Variants in LDLRAD4 observed in about 807,000 individuals in gnomAD.
LDLRAD4 encodes the protein low-density lipoprotein receptor class A domain-containing protein 4.
LDLRAD4 carries 5 observed loss-of-function variants against 17.0 expected under a neutral mutation model. That is an observed-to-expected ratio of 0.29 (90% CI 0.15 to 0.62). The LOEUF is 0.62. Ranked by LOEUF, LDLRAD4 falls within the 20% of genes least tolerant of loss-of-function variation. The pLI is 0.84. For synonymous variants in LDLRAD4, 168 were observed against 171.8 expected, an observed-to-expected ratio of 0.98 and a Z score of 0.17; for missense variants, 340 against 424.7, an observed-to-expected ratio of 0.80 and a Z score of 1.75.
At chr18:13,349,332 A>G (rs184613494) in intron 1 of LDLRAD4, among the ~76,000 whole-genome samples, 26 of 152,306 alleles carry the variant, frequency 1.7e-4, no homozygotes, top group African/African-American at 6.3e-4. Context: ...GTCTTTGTAT[A>G]TTGTGTGTCC....
chr18:13,280,916 T>C (rs372644474), intron 1 of LDLRAD4, among the ~76,000 whole-genome samples: 2 of 152,160 alleles, frequency 1.3e-5, no homozygotes, highest in East Asian at 1.9e-4. Flanking sequence ...GACCTGAACT[T>C]CTATCTTTGC....
upstream of LDLRAD4, among the ~76,000 whole-genome samples, chr18:13,218,341 G>C (rs889985282): frequency 1.3e-5 from 2 of 152,208 alleles, no homozygotes; most frequent in African/African-American, 4.8e-5. Flanking sequence ...CCCGCGGGCG[G>C]GGTTACGCCG....
chr18:13,363,075 A>C (rs186755433), intron 1 of LDLRAD4, among the ~76,000 whole-genome samples: 4 of 152,128 alleles, frequency 2.6e-5, no homozygotes, highest in Non-Finnish European at 4.4e-5. Context: ...TCACGCCTGT[A>C]ATCCCAGCAC....
intron 1 of LDLRAD4, among the ~76,000 whole-genome samples, chr18:13,264,079 C>T (rs2044074340): frequency 6.6e-6 from 1 of 152,198 alleles, no homozygotes; most frequent in South Asian, 2.1e-4. Context: ...GGGCAGGACA[C>T]GACCCGGCCC....
At chr18:13,358,123 A>G (rs2083451934) in intron 1 of LDLRAD4, among the ~76,000 whole-genome samples, 1 of 152,108 alleles carries the variant, frequency 6.6e-6, no homozygotes. Context: ...GGAATCAGCC[A>G]TTTGTTTCAA....
At chr18:13,265,101 A>G (rs1378281981) in intron 1 of LDLRAD4, among the ~76,000 whole-genome samples, 1 of 152,104 alleles carries the variant, frequency 6.6e-6, no homozygotes, top group Non-Finnish European at 1.5e-5. Context: ...AGTGTTTTCC[A>G]CATGGCTCCT....
intron 1 of LDLRAD4, among the ~76,000 whole-genome samples, chr18:13,309,125 G>C (rs1042132395): frequency 3.9e-5 from 6 of 152,242 alleles, no homozygotes; most frequent in African/African-American, 1.4e-4. Flanking sequence ...AGCAGAGGCA[G>C]ATTAGACTTT....
At chr18:13,457,072 C>T (rs1418065501) in intron 3 of LDLRAD4, among the ~76,000 whole-genome samples, 3 of 152,246 alleles carry the variant, frequency 2.0e-5, no homozygotes, top group Non-Finnish European at 4.4e-5. Context: ...CAGCAGTGGA[C>T]ACCTGCTGTA....
At chr18:13,505,722 G>T (rs1385250849) in intron 3 of LDLRAD4, among the ~76,000 whole-genome samples, 1 of 152,182 alleles carries the variant, frequency 6.6e-6, no homozygotes, top group Non-Finnish European at 1.5e-5. Context: ...GGAGGCTGAG[G>T]GAGGAGAATG....
At chr18:13,359,006 A>G (rs1231450525) in intron 1 of LDLRAD4, among the ~76,000 whole-genome samples, 1 of 152,240 alleles carries the variant, frequency 6.6e-6, no homozygotes, top group African/African-American at 2.4e-5. Context: ...TGTGATGTAC[A>G]CCAGTAATAT....
At chr18:13,496,641 G>A (rs765858556) in intron 3 of LDLRAD4, among the ~76,000 whole-genome samples, 4 of 152,152 alleles carry the variant, frequency 2.6e-5, no homozygotes, top group Admixed American at 6.5e-5. Context: ...GATGTTTTCC[G>A]AGAGGAGGAC....
intron 3 of LDLRAD4, chr18:13,514,399 C>A (rs1220818012): frequency 6.6e-6 from 1 of 152,164 alleles, no homozygotes; most frequent in Non-Finnish European, 1.5e-5. Context: ...ATATCGATTC[C>A]ATTTATAAAG....
intron 4 of LDLRAD4, chr18:13,642,062 G>A: frequency 2.0e-6 from 2 of 985,502 alleles, no homozygotes; most frequent in Non-Finnish European, 2.4e-6. Flanking sequence ...CTGCCAGGCC[G>A]GGCCCTTCCC....
chr18:13,437,016 C>A (rs1044253840), intron 2 of LDLRAD4, among the ~76,000 whole-genome samples: 1 of 152,224 alleles, frequency 6.6e-6, no homozygotes, highest in Admixed American at 6.5e-5. Flanking sequence ...TATTGTCTTG[C>A]GGGCCACAGT....
intron 1 of LDLRAD4, among the ~76,000 whole-genome samples, chr18:13,237,931 G>A (rs935161456): frequency 6.6e-6 from 1 of 152,122 alleles, no homozygotes. Context: ...TGGGAGGCTG[G>A]GGTAGAGTCT....
At chr18:13,488,946 C>T (rs2093298345) in intron 3 of LDLRAD4, 1 of 152,152 alleles carries the variant, frequency 6.6e-6, no homozygotes, top group South Asian at 2.1e-4. Context: ...AAGGATGAGT[C>T]AGAAAACAGT....
chr18:13,401,534 G>T (rs1261317146), intron 2 of LDLRAD4, among the ~76,000 whole-genome samples: 2 of 152,122 alleles, frequency 1.3e-5, no homozygotes, highest in Non-Finnish European at 2.9e-5. Context: ...GGGGTTGGGC[G>T]GACTCTCCTG....
chr18:13,406,712 G>A (rs1478355988), intron 2 of LDLRAD4, among the ~76,000 whole-genome samples: 2 of 152,162 alleles, frequency 1.3e-5, no homozygotes, highest in East Asian at 1.9e-4. Flanking sequence ...GGCTGGGGCC[G>A]ACTCCTACTA....
chr18:13,218,216 C>G (rs2041258789), upstream of LDLRAD4: 2 of 152,198 alleles, frequency 1.3e-5, no homozygotes, highest in South Asian at 4.1e-4. Context: ...TGGACGTCCG[C>G]GAGCCTGCGC....
Sources: allele counts gnomAD v4.1 joint callset (sites outside exome capture counted in the v4.1 genomes callset), GRCh38; gene constraint gnomAD v4.1.1; transcripts MANE v1.5; gene names NCBI Gene and HGNC (gene_info 2026-07-23, HGNC 2026-07-21).